AK5: variants seen among roughly 807,000 people sequenced by gnomAD.
The protein encoded by AK5 is adenylate kinase 5.
A neutral mutation model predicts 69.5 loss-of-function variants in AK5; 27 were observed. The observed-to-expected ratio is 0.39, with a 90% confidence interval of 0.29 to 0.54. The LOEUF (loss-of-function observed/expected upper bound fraction) is 0.54, where lower values mean the gene tolerates loss of function less well. Ranked by LOEUF, AK5 falls within the 20% of genes least tolerant of loss-of-function variation. AK5 has a pLI of 0.71. For missense variants in AK5, 531 were observed against 700.4 expected (o/e 0.76, Z 2.73); for synonymous variants, 260 against 244.4 (o/e 1.06, Z -0.60).
chr1:77,521,682 T>G, intron 11 of AK5, 145 bp from the exon 12 acceptor site: 1 of 583,882 alleles, frequency 1.7e-6, no homozygotes. Context: ...GGTGGAAGAG[T>G]GAAATGAAAT....
chr1:77,517,068 C>A (rs12145231), intron 10 of AK5, among the ~76,000 whole-genome samples: 9,987 of 136,212 alleles, frequency 0.073, 475 homozygotes, highest in Middle Eastern at 0.13. Flanking sequence ...AAGACCATCT[C>A]AAAAAAAAAA....
intron 8 of AK5, among the ~76,000 whole-genome samples, chr1:77,455,138 G>A (rs1653395100): frequency 6.6e-6 from 1 of 152,140 alleles, no homozygotes; most frequent in Admixed American, 6.5e-5. Context: ...GACTCTGAGT[G>A]TGAAATTACT....
intron 7 of AK5, among the ~76,000 whole-genome samples, chr1:77,412,507 A>G (rs554189585): frequency 6.6e-6 from 1 of 152,326 alleles, no homozygotes; most frequent in Admixed American, 6.5e-5. Flanking sequence ...TGTTTTCTCT[A>G]AAACAGCCCT....
At chr1:77,316,259 A>G (rs1475506304) in intron 5 of AK5, among the ~76,000 whole-genome samples, 2 of 152,102 alleles carry the variant, frequency 1.3e-5, no homozygotes. Context: ...TGTGAACTCC[A>G]TTTGTCATGC....
At chr1:77,462,303 AGATG>A (rs56413918) in intron 8 of AK5, among the ~76,000 whole-genome samples, 85,191 of 149,860 alleles carry the variant, frequency 0.57, 24,730 homozygotes, top group Middle Eastern at 0.65. Flanking sequence ...TTTGTTGGAT[AGATG>A]GATGGATGGA....
At chr1:77,293,733 T>A in intron 2 of AK5, 60 bp from the exon 3 acceptor site, 2 of 1,398,574 alleles carry the variant, frequency 1.4e-6, no homozygotes, top group Non-Finnish European at 1.9e-6. Context: ...ACTGTTTAAG[T>A]GTGAAGAGTG....
At chr1:77,438,970 AG>A (rs1352144038) in intron 8 of AK5, among the ~76,000 whole-genome samples, 1 of 152,168 alleles carries the variant, frequency 6.6e-6, no homozygotes, top group Non-Finnish European at 1.5e-5. Context: ...AAAGGGAGAG[AG>A]TCAGAAAATC....
Position 77,462,303 on chromosome 1 carries a change from A to AGATGGATG in AK5, c.1060-20978_1060-20971dup, listed in dbSNP as rs56413918. Among the ~76,000 whole-genome samples the AGATGGATG allele has an allele frequency of 5.3e-3, 794 of 150,040 alleles. 2 individuals are homozygous for AGATGGATG. The highest frequency in any genetic ancestry group is 0.015 in the African/African-American group (616 of 40,854). ...GATGCTTAACAAATATTTGTTGGAT[A>AGATGGATG]GATGGATGGATGGATGGATGGATGG... On this transcript the variant is annotated intron_variant, in intron 8 of 13. Coordinates refer to ENST00000354567, the MANE Select transcript of AK5 (RefSeq NM_174858.3).
chr1:77,369,243 C>T (rs1376315624), intron 6 of AK5, among the ~76,000 whole-genome samples: 1 of 152,106 alleles, frequency 6.6e-6, no homozygotes, highest in East Asian at 1.9e-4. Context: ...AGTGATAAAG[C>T]CAGGCTTCAA....
At chr1:77,477,009 TGTGTGTGTGTGTGTGTGTGTGC>T (rs1654982280) in intron 8 of AK5, among the ~76,000 whole-genome samples, 1 of 150,396 alleles carries the variant, frequency 6.6e-6, no homozygotes, top group Non-Finnish European at 1.5e-5. Context: ...TTTTAGTGTG[TGTGTGTGTGTGTGTGTGTGTGC>T]GTGTGTGTGT....
Position 77,438,302 on chromosome 1 carries a change from A to G in AK5, c.1059+20587A>G, listed in dbSNP as rs1285118523. Among the ~76,000 whole-genome samples, 4 of 139,512 alleles carry G rather than the reference A, an allele frequency of 2.9e-5. 1 individual carries two copies. Among genetic ancestry groups the G allele is most frequent in the East Asian group, 2.1e-4 (1 of 4,798 alleles). 91.5% of individuals were successfully genotyped at this position (139,512 alleles called of 152,430 possible). On this transcript the variant is annotated intron_variant, in intron 8 of 13. Transcript: ENST00000354567. ...TAACCCTATATTTGGTACAAAAAAA[A>G]AAAAAAAAAAAAAAAAAAAAAACAA...
At chr1:77,401,584 T>C (rs537510650) in intron 6 of AK5, among the ~76,000 whole-genome samples, 2 of 152,300 alleles carry the variant, frequency 1.3e-5, no homozygotes, top group East Asian at 3.9e-4. Context: ...AGAGGAAAGA[T>C]TGAACTGGTA....
intron 8 of AK5, among the ~76,000 whole-genome samples, chr1:77,428,449 T>A (rs1437746027): frequency 6.6e-6 from 1 of 152,164 alleles, no homozygotes; most frequent in East Asian, 1.9e-4. Flanking sequence ...TCCCATAGGA[T>A]GAAAAACCAA....
intron 5 of AK5, among the ~76,000 whole-genome samples, chr1:77,311,975 C>T (rs1300896072): frequency 6.6e-6 from 1 of 152,156 alleles, no homozygotes; most frequent in Non-Finnish European, 1.5e-5. Flanking sequence ...ATGAGCACAA[C>T]CCATTTCCCT....
intron 8 of AK5, among the ~76,000 whole-genome samples, chr1:77,480,516 G>A (rs1655190167): frequency 6.6e-6 from 1 of 152,120 alleles, no homozygotes; most frequent in Non-Finnish European, 1.5e-5. Flanking sequence ...ACCACGATCA[G>A]ACTCCCCAAA....
intron 12 of AK5, among the ~76,000 whole-genome samples, chr1:77,529,572 C>G (rs969622649): frequency 2.6e-5 from 4 of 152,144 alleles, no homozygotes; most frequent in African/African-American, 9.7e-5. Flanking sequence ...ATCTGCCCAC[C>G]TCGGCCTCCC....
At chr1:77,485,325 C>T (rs776925885) in intron 9 of AK5, among the ~76,000 whole-genome samples, 14 of 152,172 alleles carry the variant, frequency 9.2e-5, no homozygotes, top group Non-Finnish European at 1.9e-4. Flanking sequence ...TTCATCATGC[C>T]CCATGCTCTC....
At chr1:77,546,432 T>G (rs952463193) in intron 13 of AK5, among the ~76,000 whole-genome samples, 1 of 152,052 alleles carries the variant, frequency 6.6e-6, no homozygotes, top group Non-Finnish European at 1.5e-5. Flanking sequence ...TGGGAATTCA[T>G]AGGAAAAAGA....
chr1:77,336,284 G>T (rs1332494872), intron 5 of AK5, among the ~76,000 whole-genome samples: 1 of 151,972 alleles, frequency 6.6e-6, no homozygotes, highest in Admixed American at 6.6e-5. Context: ...GTTTCACCAT[G>T]TTGGTCAGGA....
Sources: allele counts gnomAD v4.1 joint callset (sites outside exome capture counted in the v4.1 genomes callset), GRCh38; gene constraint gnomAD v4.1.1; transcripts MANE v1.5; gene names NCBI Gene and HGNC (gene_info 2026-07-23, HGNC 2026-07-21).